BACH2: variants seen among roughly 807,000 people sequenced by gnomAD.
BACH2 encodes the protein transcription regulator protein BACH2.
BACH2 carries 5 observed loss-of-function variants against 61.8 expected under a neutral mutation model. The ratio of observed to expected loss-of-function variants is 0.08; its 90% CI spans 0.04 to 0.17. The LOEUF (loss-of-function observed/expected upper bound fraction) is 0.17. Among genes scored for constraint, BACH2 ranks in the 10% least tolerant of loss-of-function variants. The pLI is 1.00. For synonymous variants in BACH2, 446 were observed against 440.1 expected (o/e 1.01, Z -0.17); for missense variants, 824 against 1,091.1 (o/e 0.76, Z 3.45).
At chr6:90,190,687 G>A (rs907063655) in intron 4 of BACH2, among the ~76,000 whole-genome samples, 1 of 152,208 alleles carries the variant, frequency 6.6e-6, no homozygotes, top group Admixed American at 6.5e-5. Context: ...GTAAGCTGAA[G>A]CCCCTTGGCG....
intron 4 of BACH2, among the ~76,000 whole-genome samples, chr6:90,186,051 G>A (rs1020941764): frequency 1.3e-5 from 2 of 152,092 alleles, no homozygotes; most frequent in African/African-American, 4.8e-5. Flanking sequence ...ACTCATAGAA[G>A]AGACCGATCC....
intron 5 of BACH2, chr6:90,080,654 C>T (rs994616997): frequency 3.4e-5 from 24 of 698,852 alleles, no homozygotes; most frequent in Non-Finnish European, 4.0e-5. Context: ...ACCACAACAG[C>T]AAACATATGC....
intron 4 of BACH2, among the ~76,000 whole-genome samples, chr6:90,159,115 C>T (rs1403015904): frequency 1.3e-5 from 2 of 152,166 alleles, no homozygotes; most frequent in Non-Finnish European, 2.9e-5. Context: ...AAAGTCCTCT[C>T]AGATAAACTT....
chr6:90,129,290 A>G (rs1335071273), intron 4 of BACH2, among the ~76,000 whole-genome samples: 1 of 152,196 alleles, frequency 6.6e-6, no homozygotes, highest in Non-Finnish European at 1.5e-5. Flanking sequence ...CTGGAGCCCT[A>G]AAAACTTCAT....
chr6:90,036,448 T>C (rs117636231), intron 5 of BACH2, among the ~76,000 whole-genome samples: 15 of 152,292 alleles, frequency 9.8e-5, no homozygotes, highest in Non-Finnish European at 1.6e-4. Context: ...CTGTATCATT[T>C]TGTACTTTGA....
chr6:90,134,975 C>T (rs752683868), intron 4 of BACH2, among the ~76,000 whole-genome samples: 8 of 152,136 alleles, frequency 5.3e-5, no homozygotes, highest in Non-Finnish European at 1.0e-4. Flanking sequence ...ATGAACAGAT[C>T]CAGCCTTAGC....
Position 90,241,826 on chromosome 6 carries a change from G to A in BACH2, c.-275+10687C>T, listed in dbSNP as rs970160882. 2.6e-5 allele frequency among the ~76,000 whole-genome samples: 4 copies of A among 151,484 alleles called. No individual in the cohort carries two copies. In the East Asian group the frequency reaches 7.7e-4, roughly 29 times the overall value. On this transcript the variant is annotated intron_variant, in intron 3 of 8. Coordinates refer to ENST00000257749, the MANE Select transcript of BACH2 (RefSeq NM_021813.4). ...TGAAAAAAAAATTAAAAAACAACTA[G>A]AGAAATAAGGTGGGGAATATTATAT...
chr6:90,156,299 T>C (rs1394424264), intron 4 of BACH2, among the ~76,000 whole-genome samples: 1 of 152,204 alleles, frequency 6.6e-6, no homozygotes, highest in Non-Finnish European at 1.5e-5. Flanking sequence ...TTACTCTACT[T>C]TCATAACAAC....
intron 4 of BACH2, among the ~76,000 whole-genome samples, chr6:90,201,584 T>G (rs1044774848): frequency 4.6e-5 from 7 of 152,216 alleles, no homozygotes; most frequent in African/African-American, 1.7e-4. Context: ...TTCTCATACA[T>G]GGGTAAATAC....
rs57759686 is a variant in BACH2 at position 90,033,351 on chromosome 6, TAA to T, written c.-12-24497_-12-24496del. Among the ~76,000 whole-genome samples, 1,209 of 83,364 alleles carry T rather than the reference TAA, an allele frequency of 0.015. 39 individuals are homozygous for T. In the East Asian group the frequency reaches 0.21, roughly 15 times the overall value. The allele number at this position is 83,364 out of a possible 152,430, so 54.7% of individuals were successfully genotyped here. A position where few individuals can be genotyped will look rare whatever the true frequency, so the allele number is the denominator to read the frequency against. On this transcript the variant is annotated intron_variant, in intron 5 of 8. Coordinates refer to ENST00000257749, the MANE Select transcript of BACH2 (RefSeq NM_021813.4). ...GTGCACATGTACCCTGAAACTTAAATAAAAAAAAAAAAAAAAAAAGAAAATCA... is the reference window on the plus strand; with the variant it reads ...GTGCACATGTACCCTGAAACTTAAATAAAAAAAAAAAAAAAAAGAAAATCA...
At chr6:90,245,853 T>A (rs1291415904) in intron 3 of BACH2, among the ~76,000 whole-genome samples, 4 of 152,104 alleles carry the variant, frequency 2.6e-5, no homozygotes, top group African/African-American at 9.7e-5. Flanking sequence ...ACAGAAAAAA[T>A]TGGACAAAAA....
At position 89,948,338 on chromosome 6, in the gene BACH2, C is replaced by T. The variant is rs368075306; in HGVS notation, c.1836+1932G>A. 9.9e-5 allele frequency among the ~76,000 whole-genome samples: 15 copies of T among 152,238 alleles called. 1 individual carries two copies. In the South Asian group the frequency reaches 1.9e-3, roughly 19 times the overall value. On this transcript the variant is annotated intron_variant, in intron 7 of 8. Transcript: ENST00000257749. ...CCTCCCACCTCAGTCCCACAGGTAG[C>T]TGGGACTACTGGCACGAGCCACCAC...
At position 90,104,902 on chromosome 6, in the gene BACH2, T is replaced by C. The variant is rs1407536124; in HGVS notation, c.-161-15793A>G. Among the ~76,000 whole-genome samples the C allele has an allele frequency of 2.0e-5, 3 of 152,170 alleles. No individual in the cohort carries two copies. The East Asian group carries it at 5.8e-4, about 29-fold the overall frequency. ...TTTCCCCCATACTACCATGTTCCCATTTGGAACTCTAAGGAGACCGATAAT... is the reference window on the plus strand; with the variant it reads ...TTTCCCCCATACTACCATGTTCCCACTTGGAACTCTAAGGAGACCGATAAT... On this transcript the variant is annotated intron_variant, in intron 4 of 8. Coordinates refer to ENST00000257749, the MANE Select transcript of BACH2 (RefSeq NM_021813.4).
intron 5 of BACH2, among the ~76,000 whole-genome samples, chr6:90,029,945 G>T (rs1047726323): frequency 6.6e-6 from 1 of 152,218 alleles, no homozygotes. Context: ...GGCTTAGATT[G>T]ACACAGTGAA....
intron 5 of BACH2, among the ~76,000 whole-genome samples, chr6:90,022,181 T>A (rs1778410144): frequency 6.6e-6 from 1 of 152,242 alleles, no homozygotes; most frequent in Non-Finnish European, 1.5e-5. Flanking sequence ...TTGTTATTAT[T>A]GCTGCTTGTT....
At position 89,950,898 on chromosome 6, in the gene BACH2, G is replaced by A; in HGVS notation, c.1208C>T (p.Ser403Phe). 1 of 1,599,296 alleles carries A rather than the reference G, an allele frequency of 6.3e-7. No individual in the cohort carries two copies. The highest frequency in any genetic ancestry group is 1.1e-5 in the South Asian group (1 of 88,788). ...GQPHVGQKEV[S>F]NFTMGSPLRG... ...GAGGGGCGACCCCATGGTGAAGTTGGACACCTCCTTCTGGCCCACGTGGGG... is the reference window on the plus strand; with the variant it reads ...GAGGGGCGACCCCATGGTGAAGTTGAACACCTCCTTCTGGCCCACGTGGGG... Residue 403 changes from serine to phenylalanine, a missense_variant, in exon 7 of 9, where the codon TCC (serine) becomes TTC (phenylalanine). Transcript: ENST00000257749. The surrounding 1 kb of genome is among the most constrained non-coding windows in gnomAD (Gnocchi z 5.3).
intron 4 of BACH2, among the ~76,000 whole-genome samples, chr6:90,132,653 C>T (rs1166094157): frequency 6.6e-6 from 1 of 152,206 alleles, no homozygotes. Flanking sequence ...AAGAACCTCT[C>T]ACTGGTCTTC....
At chr6:89,948,311 A>T (rs1773868525) in intron 7 of BACH2, among the ~76,000 whole-genome samples, 1 of 151,840 alleles carries the variant, frequency 6.6e-6, no homozygotes, top group Admixed American at 6.6e-5. Flanking sequence ...GGCTCAAGTG[A>T]TCCTCCCACC....
Position 89,950,166 on chromosome 6 carries a change from T to G in BACH2, c.1836+104A>C, listed in dbSNP as rs748351850. The stretch of plus-strand genomic sequence containing the variant: ...GCAGTCTCTCTACTGTCATCTTTAA[T>G]CTTAGCACGTAAGAACAATGTGGGA... On this transcript the variant is annotated intron_variant, in intron 7 of 8. Coordinates refer to ENST00000257749, the MANE Select transcript of BACH2 (RefSeq NM_021813.4). The surrounding 1 kb of genome is among the most constrained non-coding windows in gnomAD (Gnocchi z 5.3). 3 of 1,346,494 alleles carry G rather than the reference T, an allele frequency of 2.2e-6. No homozygotes were observed. The East Asian group carries it at 6.9e-5, about 31-fold the overall frequency. 83.4% of individuals were successfully genotyped at this position (1,346,494 alleles called of 1,614,324 possible).
Sources: gnomAD v4.1 joint callset for allele counts (sites outside exome capture counted in the v4.1 genomes callset) on GRCh38, gnomAD v4.1.1 for gene constraint, Gnocchi (gnomAD v3.1) non-coding constraint, MANE v1.5 for transcripts, NCBI Gene and HGNC (gene_info 2026-07-23, HGNC 2026-07-21) for gene names.